PPARGC1A: variants seen among roughly 807,000 people sequenced by gnomAD.
PPARGC1A encodes the protein PPARG coactivator 1 alpha.
In PPARGC1A, 25 loss-of-function variants were observed where a neutral mutation model predicts 88.7. The ratio of observed to expected loss-of-function variants is 0.28; its 90% confidence interval spans 0.21 to 0.39. PPARGC1A has a LOEUF of 0.39. PPARGC1A is among the 10% of genes least tolerant of loss of function. The probability of loss-of-function intolerance (pLI) is 1.00; values close to 1 mark genes in which losing one functional copy is unlikely to be tolerated. For missense variants in PPARGC1A, 880 were observed against 968.7 expected (o/e 0.91, Z 1.22); for synonymous variants, 363 against 355.6 (o/e 1.02, Z -0.24).
chr4:24,472,681 C>CGCCGCCGCT, the PPARGC1A span, among the ~76,000 whole-genome samples: 1 of 151,608 alleles, frequency 6.6e-6, no homozygotes, highest in Non-Finnish European at 1.5e-5. This position sits in a 1 kb window ranked among gnomAD's most constrained non-coding sequence, Gnocchi z 4.5. Context: ...CCGCCGCCGC[C>CGCCGCCGCT]GCCGCCGCTG....
chr4:23,849,819 T>G (rs1329873588), intron 2 of PPARGC1A, among the ~76,000 whole-genome samples: 3 of 151,906 alleles, frequency 2.0e-5, no homozygotes, highest in Non-Finnish European at 2.9e-5. Context: ...TTTTTTTTTT[T>G]TTTGGAGGGC....
the PPARGC1A span, among the ~76,000 whole-genome samples, chr4:24,107,656 T>C: frequency 6.6e-6 from 1 of 152,192 alleles, no homozygotes; most frequent in African/African-American, 2.4e-5. Context: ...AATTTAAGGT[T>C]AGAAGGAAAG....
At chr4:24,211,884 C>T in the PPARGC1A span, among the ~76,000 whole-genome samples, 3 of 152,150 alleles carry the variant, frequency 2.0e-5, no homozygotes, top group South Asian at 2.1e-4. Context: ...ATTCTACCTC[C>T]ACGATGCTAT....
the PPARGC1A span, among the ~76,000 whole-genome samples, chr4:24,181,986 C>CT: frequency 3.9e-5 from 6 of 151,986 alleles, no homozygotes; most frequent in African/African-American, 1.2e-4. Context: ...TGGCACCTCA[C>CT]TTTTTTTTAA....
chr4:24,035,079 C>G, the PPARGC1A span, among the ~76,000 whole-genome samples: 3 of 152,280 alleles, frequency 2.0e-5, no homozygotes, highest in South Asian at 6.2e-4. Context: ...GCTCATTGCT[C>G]TGCTTCAGGA....
the PPARGC1A span, among the ~76,000 whole-genome samples, chr4:23,991,387 G>A: frequency 6.6e-6 from 1 of 152,020 alleles, no homozygotes; most frequent in Non-Finnish European, 1.5e-5. Flanking sequence ...AAATCAACCA[G>A]GTAAGAGAAG....
intron 4 of PPARGC1A, 35 bp downstream of exon 4, chr4:23,829,428 A>G: frequency 6.2e-7 from 1 of 1,606,844 alleles, no homozygotes; most frequent in East Asian, 2.2e-5. Context: ...ATCCTTTGGT[A>G]CATCCCCCCT....
chr4:23,799,916 G>A (rs753101072), intron 12 of PPARGC1A, among the ~76,000 whole-genome samples: 11 of 152,062 alleles, frequency 7.2e-5, no homozygotes, highest in Admixed American at 3.3e-4. Context: ...ACTTCAATCC[G>A]TCTTGACTGT....
At chr4:23,898,683 T>C (rs1162927409) in intron 1 of PPARGC1A, among the ~76,000 whole-genome samples, 1 of 152,146 alleles carries the variant, frequency 6.6e-6, no homozygotes, top group Non-Finnish European at 1.5e-5. Flanking sequence ...CAAAAAGAGG[T>C]TGATGAGAGA....
At chr4:23,982,661 G>C in the PPARGC1A span, among the ~76,000 whole-genome samples, 3 of 152,072 alleles carry the variant, frequency 2.0e-5, no homozygotes, top group Non-Finnish European at 4.4e-5. Context: ...AAAGACCTGA[G>C]TTTAAATCCT....
the PPARGC1A span, among the ~76,000 whole-genome samples, chr4:23,959,726 C>T: frequency 6.6e-6 from 1 of 152,132 alleles, no homozygotes; most frequent in Admixed American, 6.6e-5. Context: ...GGTCAGTCTT[C>T]TTCCTTCTTA....
At chr4:23,894,991 C>T (rs148558654), upstream of PPARGC1A, among the ~76,000 whole-genome samples, 8 of 151,794 alleles carry the variant, frequency 5.3e-5, no homozygotes, top group East Asian at 1.5e-3. Flanking sequence ...TGGAACTGAA[C>T]AAGGCATATT....
the PPARGC1A span, among the ~76,000 whole-genome samples, chr4:23,935,757 T>C: frequency 6.6e-6 from 1 of 152,196 alleles, no homozygotes; most frequent in Non-Finnish European, 1.5e-5. Flanking sequence ...ATATAAGTAG[T>C]AAGTTGCAAA....
the PPARGC1A span, among the ~76,000 whole-genome samples, chr4:23,984,108 T>G: frequency 2.0e-5 from 3 of 152,122 alleles, no homozygotes; most frequent in Admixed American, 6.6e-5. Flanking sequence ...ACAAAGTTAT[T>G]ATGAGCTCCG....
intron 2 of PPARGC1A, among the ~76,000 whole-genome samples, chr4:23,837,597 T>A (rs1726257057): frequency 1.3e-5 from 2 of 152,154 alleles, no homozygotes; most frequent in African/African-American, 4.8e-5. Context: ...CCTGCTGACT[T>A]GGAAACAGCT....
the PPARGC1A span, among the ~76,000 whole-genome samples, chr4:24,364,834 C>CAG: frequency 1.3e-5 from 2 of 152,080 alleles, no homozygotes; most frequent in Non-Finnish European, 2.9e-5. Flanking sequence ...TAATACCCAA[C>CAG]AGCTAGTAAG....
the PPARGC1A span, among the ~76,000 whole-genome samples, chr4:24,130,812 C>G: frequency 1.3e-5 from 2 of 152,094 alleles, no homozygotes; most frequent in African/African-American, 4.8e-5. Context: ...CACTCACCAC[C>G]CACAAGATAC....
the PPARGC1A span, among the ~76,000 whole-genome samples, chr4:24,159,422 G>A: frequency 4.1e-4 from 62 of 151,834 alleles, no homozygotes; most frequent in African/African-American, 1.5e-3. Context: ...TGTTGGTCAG[G>A]CTGGTCTCGA....
At chr4:23,982,480 A>G in the PPARGC1A span, among the ~76,000 whole-genome samples, 2 of 152,154 alleles carry the variant, frequency 1.3e-5, no homozygotes, top group Non-Finnish European at 1.5e-5. Context: ...CCCACATCCC[A>G]TTGACTAGAA....
Sources: allele counts gnomAD v4.1 joint callset (sites outside exome capture counted in the v4.1 genomes callset), GRCh38; gene constraint gnomAD v4.1.1; non-coding constraint Gnocchi (gnomAD v3.1); transcripts MANE v1.5; gene names NCBI Gene and HGNC (gene_info 2026-07-23, HGNC 2026-07-21).